SCHIP1: variants seen among roughly 807,000 people sequenced by gnomAD.
SCHIP1 encodes the protein schwannomin interacting protein 1.
In SCHIP1, 8 loss-of-function variants were observed where a neutral mutation model predicts 29.7. That is an observed-to-expected ratio of 0.27 (90% CI 0.16 to 0.49). SCHIP1 has a LOEUF of 0.49. Ranked by LOEUF, SCHIP1 falls within the 20% of genes least tolerant of loss-of-function variation. The pLI is 0.99. For synonymous variants in SCHIP1, 76 were observed against 94.9 expected (o/e 0.80, Z 1.16); for missense variants, 193 against 294.6 (o/e 0.66, Z 2.52).
the SCHIP1 span, among the ~76,000 whole-genome samples, chr3:159,464,412 A>G: frequency 2.0e-5 from 3 of 152,176 alleles, no homozygotes; most frequent in Admixed American, 1.3e-4. Context: ...ACTTTTCTAG[A>G]TCTGGCACTA....
the SCHIP1 span, among the ~76,000 whole-genome samples, chr3:159,832,481 T>C: frequency 2.0e-5 from 3 of 152,098 alleles, no homozygotes; most frequent in South Asian, 6.2e-4. Flanking sequence ...ACCAGCCTAA[T>C]GCTCTGATTT....
At chr3:159,283,022 A>G in the SCHIP1 span, among the ~76,000 whole-genome samples, 1 of 152,150 alleles carries the variant, frequency 6.6e-6, no homozygotes, top group African/African-American at 2.4e-5. Flanking sequence ...ATAAGAACTG[A>G]TACCTTTGCA....
At chr3:159,313,502 AGT>A in the SCHIP1 span, among the ~76,000 whole-genome samples, 1 of 149,266 alleles carries the variant, frequency 6.7e-6, no homozygotes, top group South Asian at 2.1e-4. Flanking sequence ...TAAGAATAGA[AGT>A]AAGTAGTTGT....
the SCHIP1 span, among the ~76,000 whole-genome samples, chr3:159,568,532 T>TAC: frequency 6.6e-6 from 1 of 152,156 alleles, no homozygotes; most frequent in Non-Finnish European, 1.5e-5. Context: ...GAGATGCTCA[T>TAC]ACAGTCTTAC....
the SCHIP1 span, among the ~76,000 whole-genome samples, chr3:159,657,491 C>G: frequency 2.6e-5 from 4 of 152,232 alleles, no homozygotes; most frequent in African/African-American, 9.6e-5. Flanking sequence ...ATCTGTCACA[C>G]AGTCTAAACT....
the SCHIP1 span, among the ~76,000 whole-genome samples, chr3:159,586,552 TAATA>T: frequency 2.0e-5 from 3 of 152,150 alleles, no homozygotes; most frequent in Non-Finnish European, 2.9e-5. Context: ...AACATTTTCT[TAATA>T]TTTAAACGTA....
the SCHIP1 span, among the ~76,000 whole-genome samples, chr3:159,351,110 G>A: frequency 6.6e-6 from 1 of 152,138 alleles, no homozygotes; most frequent in Non-Finnish European, 1.5e-5. Context: ...AACCAATGGA[G>A]GAACTAATGT....
At chr3:159,722,904 G>A in the SCHIP1 span, among the ~76,000 whole-genome samples, 1 of 152,072 alleles carries the variant, frequency 6.6e-6, no homozygotes, top group African/African-American at 2.4e-5. Flanking sequence ...ATAGCTGAAG[G>A]GATTTAGAAT....
the SCHIP1 span, among the ~76,000 whole-genome samples, chr3:159,603,373 G>C: frequency 6.6e-6 from 1 of 152,094 alleles, no homozygotes; most frequent in South Asian, 2.1e-4. Context: ...ACTGGCTATT[G>C]GTGATCAGCT....
At chr3:159,660,534 G>T in the SCHIP1 span, among the ~76,000 whole-genome samples, 25 of 151,968 alleles carry the variant, frequency 1.6e-4, no homozygotes, top group Non-Finnish European at 2.9e-4. Context: ...ATGTGTGTGG[G>T]TATATTTTAT....
At chr3:159,390,818 C>T in the SCHIP1 span, among the ~76,000 whole-genome samples, 1 of 143,950 alleles carries the variant, frequency 6.9e-6, no homozygotes, top group South Asian at 2.4e-4. Flanking sequence ...GCAGCCAATT[C>T]ATTCATTCTT....
At chr3:159,360,820 G>A in the SCHIP1 span, among the ~76,000 whole-genome samples, 1 of 152,042 alleles carries the variant, frequency 6.6e-6, no homozygotes, top group Non-Finnish European at 1.5e-5. Flanking sequence ...CTGACCATTT[G>A]TTTTTAAATC....
At chr3:159,497,881 C>T in the SCHIP1 span, among the ~76,000 whole-genome samples, 8 of 152,160 alleles carry the variant, frequency 5.3e-5, no homozygotes, top group East Asian at 5.8e-4. Flanking sequence ...GCTGGCTCTC[C>T]GATGTCAAGA....
At chr3:159,584,501 G>C in the SCHIP1 span, among the ~76,000 whole-genome samples, 1 of 152,084 alleles carries the variant, frequency 6.6e-6, no homozygotes, top group African/African-American at 2.4e-5. Flanking sequence ...TGGTTAAGAA[G>C]TTTAATCAGG....
the SCHIP1 span, among the ~76,000 whole-genome samples, chr3:159,365,775 C>T: frequency 6.6e-6 from 1 of 152,040 alleles, no homozygotes; most frequent in African/African-American, 2.4e-5. Flanking sequence ...TCAGTGTGGC[C>T]CAAAGCAATA....
the SCHIP1 span, among the ~76,000 whole-genome samples, chr3:159,318,261 C>T: frequency 6.6e-6 from 1 of 152,188 alleles, no homozygotes; most frequent in Non-Finnish European, 1.5e-5. Flanking sequence ...AATATTTTCA[C>T]AGTTTTTGAC....
chr3:159,509,342 A>G, the SCHIP1 span, among the ~76,000 whole-genome samples: 1 of 151,878 alleles, frequency 6.6e-6, no homozygotes, highest in Non-Finnish European at 1.5e-5. Context: ...TCCATCCTTT[A>G]TTTTGAGACT....
At chr3:159,404,497 A>T in the SCHIP1 span, among the ~76,000 whole-genome samples, 30 of 152,270 alleles carry the variant, frequency 2.0e-4, no homozygotes, top group African/African-American at 7.0e-4. Context: ...AGTAGTCAGG[A>T]AGTACTTGTC....
At chr3:159,776,448 A>G in the SCHIP1 span, among the ~76,000 whole-genome samples, 16 of 149,348 alleles carry the variant, frequency 1.1e-4, no homozygotes, top group Non-Finnish European at 2.1e-4. Flanking sequence ...TTTTGTTTCC[A>G]CTCTAAAATT....
Sources: allele counts gnomAD v4.1 joint callset (sites outside exome capture counted in the v4.1 genomes callset), GRCh38; gene constraint gnomAD v4.1.1; transcripts MANE v1.5; gene names NCBI Gene and HGNC (gene_info 2026-07-23, HGNC 2026-07-21).